MIDEAS: variants seen among roughly 807,000 people sequenced by gnomAD.
The protein encoded by MIDEAS is mitotic deacetylase associated SANT domain protein, also known as mitotic deacetylase-associated SANT domain protein.
Under a neutral mutation model 102.7 loss-of-function variants are expected in MIDEAS, and 26 were observed. That is an observed-to-expected ratio of 0.25 (90% CI 0.19 to 0.35). The LOEUF is 0.35. Among genes scored for constraint, MIDEAS ranks in the 10% least tolerant of loss-of-function variants. The probability of loss-of-function intolerance (pLI) is 1.00; values close to 1 mark genes in which losing one functional copy is unlikely to be tolerated. For missense variants in MIDEAS, 1,231 were observed against 1,435.6 expected (o/e 0.86, Z 2.30); for synonymous variants, 585 against 591.0 (o/e 0.99, Z 0.15).
intron 3 of MIDEAS, 107 bp downstream of exon 3, chr14:73,736,891 G>T: frequency 1.7e-6 from 2 of 1,171,882 alleles, no homozygotes; most frequent in Non-Finnish European, 2.4e-6. Context: ...TATCTCCACA[G>T]GTTCCCTGAT....
At chr14:73,789,700 C>G (rs2053850645), upstream of MIDEAS, 1 of 152,174 alleles carries the variant, frequency 6.6e-6, no homozygotes, top group African/African-American at 2.4e-5. Context: ...TAACACAAAC[C>G]CCAAGAACAG....
chr14:73,747,258 G>A (rs1290613537), intron 1 of MIDEAS, among the ~76,000 whole-genome samples: 1 of 152,186 alleles, frequency 6.6e-6, no homozygotes, highest in Non-Finnish European at 1.5e-5. Context: ...AAGACGGAGG[G>A]CAGTGGACTG....
In MIDEAS at chr14:73,718,780, CG is replaced by C; in HGVS notation, c.*62del. The C allele has an allele frequency of 2.3e-6, 3 of 1,327,926 alleles. No homozygotes were observed. In the African/African-American group the frequency reaches 4.7e-5, roughly 21 times the overall value. The allele number at this position is 1,327,926 out of a possible 1,614,324, so 82.3% of individuals were successfully genotyped here. A position where few individuals can be genotyped will look rare whatever the true frequency, so the allele number is the denominator to read the frequency against. ...CCCTCTTGAGATGCCAGGGTGTCTG[CG>C]GGCGCTGGCGGCGGTGCGGGAAGGG... On this transcript the variant is annotated 3_prime_UTR_variant, in exon 13 of 13. Coordinates refer to ENST00000423556, the MANE Select transcript of MIDEAS (RefSeq NM_001367710.1).
chr14:73,737,847 T>C (rs1463715286), intron 2 of MIDEAS, among the ~76,000 whole-genome samples: 1 of 145,594 alleles, frequency 6.9e-6, no homozygotes, highest in Non-Finnish European at 1.5e-5. Context: ...AGTGGCACAA[T>C]CTTGGTTCAC....
intron 1 of MIDEAS, among the ~76,000 whole-genome samples, chr14:73,740,706 A>T (rs750294813): frequency 1.3e-5 from 2 of 152,228 alleles, no homozygotes; most frequent in African/African-American, 4.8e-5. Flanking sequence ...TCCTCCTGGC[A>T]CACATCTGTC....
intron 1 of MIDEAS, among the ~76,000 whole-genome samples, chr14:73,751,395 T>C (rs557878482): frequency 6.6e-5 from 10 of 152,280 alleles, no homozygotes; most frequent in African/African-American, 2.4e-4. Flanking sequence ...CTTCAGCCCC[T>C]GAAAACCACC....
chr14:73,752,332 TAGACCTGGCATTGCC>T (rs890677489), intron 1 of MIDEAS, among the ~76,000 whole-genome samples: 4 of 152,110 alleles, frequency 2.6e-5, no homozygotes, highest in African/African-American at 9.7e-5. Flanking sequence ...TTAGCACCCC[TAGACCTGGCATTGCC>T]AGGTCCTTGA....
intron 11 of MIDEAS, 123 bp from the exon 12 acceptor site, chr14:73,719,624 T>C: frequency 1.1e-6 from 1 of 912,546 alleles, no homozygotes. Context: ...TCACCTAGCA[T>C]GCACTTGGGT....
At chr14:73,741,807 G>A (rs949569404) in intron 1 of MIDEAS, among the ~76,000 whole-genome samples, 9 of 152,104 alleles carry the variant, frequency 5.9e-5, no homozygotes, top group Non-Finnish European at 7.3e-5. Flanking sequence ...TCAGCTCCTG[G>A]GCCTTGAAGA....
Position 73,759,269 on chromosome 14 carries a change from A to AGCT in MIDEAS, c.-248+493_-248+494insAGC, listed in dbSNP as rs2053526474. Among the ~76,000 whole-genome samples the AGCT allele has an allele frequency of 2.0e-5, 3 of 152,086 alleles. No homozygotes were observed. Among genetic ancestry groups the AGCT allele is most frequent in the African/African-American group, 7.2e-5 (3 of 41,428 alleles). Reference sequence around the variant, plus strand: ...TGGCAGGGGAAGGGGCTCCCGCGCCAAGTTCCCTCAGCTGGCTAGCCCCTC... The same window carrying AGCT: ...TGGCAGGGGAAGGGGCTCCCGCGCCAGCTAGTTCCCTCAGCTGGCTAGCCCCTC... On this transcript the variant is annotated intron_variant, in intron 1 of 12. Coordinates refer to ENST00000423556, the MANE Select transcript of MIDEAS (RefSeq NM_001367710.1). The surrounding 1 kb of genome is among the most constrained non-coding windows in gnomAD (Gnocchi z 6.7).
At chr14:73,755,180 CG>C (rs1315963826) in intron 1 of MIDEAS, among the ~76,000 whole-genome samples, 1 of 152,158 alleles carries the variant, frequency 6.6e-6, no homozygotes, top group Non-Finnish European at 1.5e-5. Context: ...GGCCACAGCA[CG>C]AGGCTGTGTT....
intron 1 of MIDEAS, among the ~76,000 whole-genome samples, chr14:73,744,640 A>G (rs575638228): frequency 6.6e-6 from 1 of 152,238 alleles, no homozygotes; most frequent in South Asian, 2.1e-4. Flanking sequence ...TCTTAGGACA[A>G]AGTCTAAACT....
chr14:73,778,377 C>T (rs1044030196), intron 1 of MIDEAS, among the ~76,000 whole-genome samples: 3 of 149,368 alleles, frequency 2.0e-5, no homozygotes, highest in South Asian at 4.2e-4. Flanking sequence ...AAAAAAAAAA[C>T]GTGATGGGGA....
intron 3 of MIDEAS, among the ~76,000 whole-genome samples, chr14:73,736,632 G>GA (rs11378988): frequency 0.82 from 120,650 of 147,086 alleles, 49,761 homozygotes; most frequent in East Asian, 0.94. Flanking sequence ...CTCTGCCTCA[G>GA]AAAAAAAAAA....
At chr14:73,777,009 G>A (rs997947504) in intron 1 of MIDEAS, among the ~76,000 whole-genome samples, 3 of 151,894 alleles carry the variant, frequency 2.0e-5, no homozygotes, top group Non-Finnish European at 4.4e-5. Flanking sequence ...GGCGGAGGTT[G>A]CAGTGAGCCG....
intron 4 of MIDEAS, 108 bp from the exon 5 acceptor site, chr14:73,727,632 G>T: frequency 9.3e-7 from 1 of 1,070,090 alleles, no homozygotes; most frequent in Non-Finnish European, 1.3e-6. Context: ...GACACACAGA[G>T]CTCACGCAGG....
chr14:73,772,446 T>C (rs1459651832), intron 1 of MIDEAS, among the ~76,000 whole-genome samples: 1 of 152,248 alleles, frequency 6.6e-6, no homozygotes, highest in African/African-American at 2.4e-5. Context: ...TTTTACTTTT[T>C]TCATCTAAAT....
intron 4 of MIDEAS, chr14:73,728,768 G>A (rs1334841966): frequency 3.3e-5 from 5 of 152,294 alleles, no homozygotes; most frequent in African/African-American, 7.2e-5. Flanking sequence ...GTAGATACTC[G>A]TGGACAGACT....
At chr14:73,781,748 A>AAAAG (rs2053759553) in intron 1 of MIDEAS, among the ~76,000 whole-genome samples, 2 of 143,180 alleles carry the variant, frequency 1.4e-5, no homozygotes, top group East Asian at 2.1e-4. Flanking sequence ...AAAAAAAAAA[A>AAAAG]AAAAAAAACT....
Sources: gnomAD v4.1 joint callset for allele counts (sites outside exome capture counted in the v4.1 genomes callset) on GRCh38, gnomAD v4.1.1 for gene constraint, Gnocchi (gnomAD v3.1) non-coding constraint, MANE v1.5 for transcripts, NCBI Gene and HGNC (gene_info 2026-07-23, HGNC 2026-07-21) for gene names.